The following CD8B variants were observed in gnomAD, a reference collection of about 807,000 sequenced individuals.
CD8B encodes the protein T-cell surface glycoprotein CD8 beta chain.
Under a neutral mutation model 24.2 loss-of-function variants are expected in CD8B, and 6 were observed. That is an observed-to-expected ratio of 0.25 (90% CI 0.14 to 0.49). The LOEUF is 0.49. Ranked by LOEUF, CD8B falls within the 20% of genes least tolerant of loss-of-function variation. The probability of loss-of-function intolerance (pLI) is 0.98; values close to 1 mark genes in which losing one functional copy is unlikely to be tolerated. For missense variants in CD8B, 196 were observed against 271.3 expected (o/e 0.72, Z 1.95); for synonymous variants, 84 against 108.3 (o/e 0.78, Z 1.39).
intron 5 of CD8B, among the ~76,000 whole-genome samples, chr2:86,824,099 C>T (rs1473464074): frequency 6.6e-6 from 1 of 151,012 alleles, no homozygotes. Flanking sequence ...GAGCAGGGAC[C>T]CTCTTCTCCC....
downstream of CD8B, among the ~76,000 whole-genome samples, chr2:86,836,484 C>G (rs1199178101): frequency 1.3e-5 from 2 of 152,158 alleles, no homozygotes; most frequent in African/African-American, 4.8e-5. Flanking sequence ...ATATTTGAAC[C>G]AGCATCAAGA....
chr2:86,838,637 T>C lies in CD8B; in HGVS notation c.*3670A>G, dbSNP rs1675283038. Among the ~76,000 whole-genome samples the C allele has an allele frequency of 6.6e-6, 1 of 152,140 alleles. No homozygotes were observed. Among genetic ancestry groups the C allele is most frequent in the African/African-American group, 2.4e-5 (1 of 41,418 alleles). On this transcript the variant is annotated 3_prime_UTR_variant, in exon 6 of 6. Coordinates refer to ENST00000390655, the MANE Select transcript of CD8B (RefSeq NM_004931.5). ...CCTCATCCTCCCTAATAGCTGGGAC[T>C]ACAGGCAAGCACCACCATGCCCAGA...
chr2:86,843,042 A>C (rs1675510408), intron 5 of CD8B, among the ~76,000 whole-genome samples: 1 of 152,146 alleles, frequency 6.6e-6, no homozygotes, highest in Non-Finnish European at 1.5e-5. Flanking sequence ...TTAGTACCAG[A>C]GAGGGACTTA....
chr2:86,853,363 G>A (rs1676071242), intron 2 of CD8B, among the ~76,000 whole-genome samples: 1 of 152,034 alleles, frequency 6.6e-6, no homozygotes, highest in South Asian at 2.1e-4. Context: ...GATCACCTGA[G>A]CTTGGGAAGT....
chr2:86,857,548 G>A (rs1479774160), intron 2 of CD8B, among the ~76,000 whole-genome samples: 3 of 151,844 alleles, frequency 2.0e-5, no homozygotes, highest in Admixed American at 6.6e-5. Context: ...GTGAAATCTC[G>A]TCTCCACTAA....
At chr2:86,857,882 C>A (rs1676351024) in intron 2 of CD8B, among the ~76,000 whole-genome samples, 175 bp downstream of exon 2, 1 of 152,158 alleles carries the variant, frequency 6.6e-6, no homozygotes, top group African/African-American at 2.4e-5. Context: ...ACTATGTAAA[C>A]ACTTGGAGGG....
downstream of CD8B, among the ~76,000 whole-genome samples, chr2:86,834,721 G>T (rs1675100957): frequency 6.6e-6 from 1 of 152,106 alleles, no homozygotes; most frequent in Non-Finnish European, 1.5e-5. Flanking sequence ...AGGATCATGA[G>T]GTCAGGAGTT....
chr2:86,844,492 A>G (rs1297260773), intron 5 of CD8B: 1 of 468,542 alleles, frequency 2.1e-6, no homozygotes, highest in African/African-American at 2.0e-5. Flanking sequence ...AGTTTGGGAT[A>G]CTCTGCGGTA....
intron 5 of CD8B, chr2:86,822,375 C>T (rs1674513920): frequency 1.3e-6 from 2 of 1,568,192 alleles, no homozygotes; most frequent in Non-Finnish European, 1.8e-6. Flanking sequence ...TAATCTTAGT[C>T]TTGGCACAAT....
intron 1 of CD8B, among the ~76,000 whole-genome samples, chr2:86,861,341 C>T (rs968668613): frequency 1.1e-4 from 17 of 152,212 alleles, no homozygotes; most frequent in African/African-American, 4.1e-4. Context: ...GAGGGATCAC[C>T]CTGCCCTAGC....
chr2:86,844,174 G>T (rs59833712), intron 5 of CD8B, among the ~76,000 whole-genome samples: 2,408 of 151,946 alleles, frequency 0.016, 74 homozygotes, highest in African/African-American at 0.055. Context: ...TGCAAAGGTG[G>T]TGACTAAATG....
intron 2 of CD8B, among the ~76,000 whole-genome samples, chr2:86,856,103 C>T (rs571455220): frequency 1.3e-4 from 20 of 152,330 alleles, no homozygotes; most frequent in Non-Finnish European, 2.2e-4. Flanking sequence ...AGGTGGGGTT[C>T]GGCTCCGAAG....
Position 86,861,835 on chromosome 2 carries a change from C to T in CD8B, c.31G>A (p.Ala11Thr), listed in dbSNP as rs1273262945. The change falls in exon 1 of 6, where the codon GCG (alanine) becomes ACG (threonine). Residue 11 changes from alanine (A) to threonine (T), a missense_variant. Transcript: ENST00000390655. ...GCCGCCGCCTTACCTGTCAGCTGCG[C>T]GGCCAAGAGGAGCCACAGCCGCGGC... MRPRLWLLLA[A>T]QLTVLHGNSV... 1 of 1,283,296 alleles carries T rather than the reference C, an allele frequency of 7.8e-7. No homozygotes were observed. The highest frequency in any genetic ancestry group is 9.8e-7 in the Non-Finnish European group (1 of 1,016,634). 79.5% of individuals were successfully genotyped at this position (1,283,296 alleles called of 1,614,324 possible). A position where few individuals can be genotyped will look rare whatever the true frequency, so the allele number is the denominator to read the frequency against.
intron 5 of CD8B, among the ~76,000 whole-genome samples, chr2:86,824,540 A>G (rs1018883239): frequency 6.6e-6 from 1 of 152,156 alleles, no homozygotes; most frequent in African/African-American, 2.4e-5. Flanking sequence ...GAAAAGAGAA[A>G]AAGCCTCCCC....
intron 3 of CD8B, among the ~76,000 whole-genome samples, chr2:86,849,703 GT>G (rs551385750): frequency 1.6e-3 from 206 of 127,400 alleles, no homozygotes; most frequent in Middle Eastern, 9.6e-3. Context: ...CAACTAAGGT[GT>G]TTTTTTTTTT....
chr2:86,834,485 CACAA>C, downstream of CD8B, among the ~76,000 whole-genome samples: 1 of 145,748 alleles, frequency 6.9e-6, no homozygotes, highest in South Asian at 2.2e-4. Context: ...CACACACACA[CACAA>C]AAGTCTTAAC....
downstream of CD8B, among the ~76,000 whole-genome samples, chr2:86,834,797 A>G (rs1675104749): frequency 6.6e-6 from 1 of 151,930 alleles, no homozygotes; most frequent in Admixed American, 6.6e-5. Flanking sequence ...TTAGCTGGGC[A>G]TGATGGCGCG....
At chr2:86,824,064 G>T (rs1177689757) in intron 5 of CD8B, among the ~76,000 whole-genome samples, 1 of 151,272 alleles carries the variant, frequency 6.6e-6, no homozygotes, top group Non-Finnish European at 1.5e-5. Context: ...GAGCTGGAGT[G>T]CATTCTAGAT....
chr2:86,853,078 G>T lies in CD8B; in HGVS notation c.412C>A (p.Leu138Ile). 1 of 1,543,218 alleles carries T rather than the reference G, an allele frequency of 6.5e-7. No homozygotes were observed. The highest frequency in any genetic ancestry group is 8.8e-7 in the Non-Finnish European group (1 of 1,141,908). Residue 138 changes from leucine (L) to isoleucine (I), a missense_variant, in exon 3 of 6, where the codon CTT becomes ATT. By Grantham distance (5) the Leu-to-Ile change is conservative. Coordinates refer to ENST00000390655, the MANE Select transcript of CD8B (RefSeq NM_004931.5). ...TTGGTGGGCTGGGCAGTGGTGGGAA[G>T]GAAATCAACTACAGAAAGAAAGCAA... is the stretch of plus-strand genomic sequence containing the variant. The part of the protein sequence containing the change: ...KGTQLSVVDF[L>I]PTTAQPTKKS...
Sources: gnomAD v4.1 joint callset for allele counts (sites outside exome capture counted in the v4.1 genomes callset) on GRCh38, gnomAD v4.1.1 for gene constraint, MANE v1.5 for transcripts, NCBI Gene and HGNC (gene_info 2026-07-23, HGNC 2026-07-21) for gene names.